RANBP2: variants seen among roughly 807,000 people sequenced by gnomAD.
RANBP2 encodes RAN binding protein 2.
Under a neutral mutation model 303.6 loss-of-function variants are expected in RANBP2, and 57 were observed. The observed-to-expected ratio is 0.19, with a 90% CI of 0.15 to 0.23. The LOEUF is 0.23. Ranked by LOEUF, RANBP2 falls within the 10% of genes least tolerant of loss-of-function variation. RANBP2 has a pLI of 1.00. For missense variants in RANBP2, 3,138 were observed against 3,780.8 expected (o/e 0.83, Z 4.46); for synonymous variants, 1,167 against 1,301.5 (o/e 0.90, Z 2.23).
intron 28 of RANBP2, among the ~76,000 whole-genome samples, chr2:108,783,333 T>TTAAA (rs1553503066): frequency 9.6e-5 from 4 of 41,454 alleles, no homozygotes; most frequent in African/African-American, 4.3e-4. Context: ...AGCCTGTCAT[T>TTAAA]AAAAAAAAAA....
Position 108,767,293 on chromosome 2 carries a change from C to T in RANBP2, c.6754C>T (p.Pro2252Ser). 1 of 1,611,926 alleles carries T rather than the reference C, an allele frequency of 6.2e-7. No homozygotes were observed. The highest frequency in any genetic ancestry group is 8.5e-7 in the Non-Finnish European group (1 of 1,179,846). Residue 2252 changes from proline (P) to serine (S), a missense_variant, in exon 20 of 29, where the codon CCT (proline) becomes TCT (serine). By Grantham distance (74) the Pro-to-Ser change is moderately conservative. Around this residue, in one of 20 missense-constraint regions of RANBP2, gnomAD observed 72 missense variants for 86.8 expected, o/e 0.83. Transcript: ENST00000283195. Reference sequence around the variant, plus strand: ...ACATGCTTCTCCATTGGCAAGTAGCCCTGTGAGAAAAAATCTTTTCCGTTT... The same window carrying T: ...ACATGCTTCTCCATTGGCAAGTAGCTCTGTGAGAAAAAATCTTTTCCGTTT... ...SVHASPLASS[P>S]VRKNLFRFGE...
At chr2:108,901,755 T>C in the RANBP2 span, among the ~76,000 whole-genome samples, 1 of 152,192 alleles carries the variant, frequency 6.6e-6, no homozygotes, top group African/African-American at 2.4e-5. Flanking sequence ...TTACCCAATA[T>C]AAAATAGATC....
intron 1 of RANBP2, among the ~76,000 whole-genome samples, chr2:108,723,082 C>G (rs918999168): frequency 1.3e-4 from 19 of 151,882 alleles, no homozygotes; most frequent in Non-Finnish European, 2.1e-4. Context: ...TGCTGTGTTG[C>G]CCAGGCTGCC....
At chr2:108,912,017 G>A in the RANBP2 span, among the ~76,000 whole-genome samples, 1 of 152,178 alleles carries the variant, frequency 6.6e-6, no homozygotes, top group Non-Finnish European at 1.5e-5. Context: ...ATATATCCTC[G>A]CCCAGCAGTC....
the RANBP2 span, among the ~76,000 whole-genome samples, chr2:109,397,031 A>C: frequency 6.6e-6 from 1 of 152,208 alleles, no homozygotes; most frequent in South Asian, 2.1e-4. Context: ...GTTTTCGGAA[A>C]GCCCTTTGGC....
At chr2:109,576,269 A>AAT in the RANBP2 span, among the ~76,000 whole-genome samples, 1,556 of 150,832 alleles carry the variant, frequency 0.01, 24 homozygotes, top group African/African-American at 0.035. Flanking sequence ...AAATGAATTA[A>AAT]ATATATATAT....
At chr2:108,769,446 A>G (rs2149289417) in intron 20 of RANBP2, 1 of 874,476 alleles carries the variant, frequency 1.1e-6, no homozygotes, top group South Asian at 5.3e-5. Context: ...ACTTACCACT[A>G]CAACATGCAT....
the RANBP2 span, among the ~76,000 whole-genome samples, chr2:108,887,239 C>T: frequency 4.6e-5 from 7 of 152,176 alleles, no homozygotes; most frequent in South Asian, 6.2e-4. Context: ...CATTGGTCTA[C>T]GTGTCCGTTT....
At chr2:108,782,045 C>T in intron 26 of RANBP2, 83 bp from the exon 27 acceptor site, 1 of 1,510,394 alleles carries the variant, frequency 6.6e-7, no homozygotes, top group South Asian at 1.2e-5. Flanking sequence ...AAGAAAATGC[C>T]TTAAAAGAAT....
the RANBP2 span, among the ~76,000 whole-genome samples, chr2:109,592,203 G>A: frequency 1.3e-5 from 2 of 151,920 alleles, no homozygotes; most frequent in South Asian, 2.1e-4. Flanking sequence ...GGTGGCTCAC[G>A]CCTGTAATCC....
At chr2:109,212,736 GC>G in the RANBP2 span, among the ~76,000 whole-genome samples, 3 of 152,074 alleles carry the variant, frequency 2.0e-5, no homozygotes, top group African/African-American at 4.8e-5. Context: ...TTCTCTCTTT[GC>G]CCGTGGCCCA....
At chr2:109,612,159 G>A in the RANBP2 span, among the ~76,000 whole-genome samples, 2 of 151,720 alleles carry the variant, frequency 1.3e-5, no homozygotes, top group African/African-American at 2.4e-5. Context: ...CAACAACCTG[G>A]ATGAATCTCC....
the RANBP2 span, among the ~76,000 whole-genome samples, chr2:109,124,809 C>T: frequency 6.6e-6 from 1 of 152,188 alleles, no homozygotes; most frequent in East Asian, 1.9e-4. Flanking sequence ...TTAGGGTTGC[C>T]TGACTAAACC....
the RANBP2 span, among the ~76,000 whole-genome samples, chr2:109,570,819 G>A: frequency 6.6e-6 from 1 of 152,160 alleles, no homozygotes; most frequent in Non-Finnish European, 1.5e-5. Context: ...ACCACACCCG[G>A]CCTGTATTAG....
At chr2:108,867,288 C>A in the RANBP2 span, among the ~76,000 whole-genome samples, 1 of 152,086 alleles carries the variant, frequency 6.6e-6, no homozygotes, top group Non-Finnish European at 1.5e-5. Context: ...AGCTAGAACT[C>A]CAGAACTGAG....
chr2:109,348,492 A>G, the RANBP2 span, among the ~76,000 whole-genome samples: 1 of 152,202 alleles, frequency 6.6e-6, no homozygotes, highest in Non-Finnish European at 1.5e-5. Context: ...GAGCAAACAA[A>G]ATAGCACTGA....
the RANBP2 span, chr2:108,815,894 T>G: frequency 6.6e-7 from 1 of 1,504,354 alleles, no homozygotes; most frequent in Non-Finnish European, 9.0e-7. Flanking sequence ...CTTTGAAGTT[T>G]TATGAAGTTG....
the RANBP2 span, among the ~76,000 whole-genome samples, chr2:109,136,207 G>T: frequency 6.6e-6 from 1 of 151,352 alleles, no homozygotes; most frequent in Non-Finnish European, 1.5e-5. Context: ...CAGTTAACAT[G>T]ATCTTTTTTG....
the RANBP2 span, among the ~76,000 whole-genome samples, chr2:109,690,962 G>A: frequency 6.6e-6 from 1 of 152,086 alleles, no homozygotes; most frequent in Non-Finnish European, 1.5e-5. Flanking sequence ...CATTGATGGG[G>A]CACCTCCTAG....
Sources: gnomAD v4.1 joint callset for allele counts (sites outside exome capture counted in the v4.1 genomes callset) on GRCh38, gnomAD v4.1.1 for gene constraint, gnomAD v4.1.1 regional missense constraint, MANE v1.5 for transcripts, NCBI Gene and HGNC (gene_info 2026-07-23, HGNC 2026-07-21) for gene names.